Variants in PIGU observed in about 807,000 individuals in gnomAD.
PIGU encodes phosphatidylinositol glycan anchor biosynthesis class U.
Under a neutral mutation model 49.9 loss-of-function variants are expected in PIGU, and 24 were observed. That is an observed-to-expected ratio of 0.48 (90% confidence interval 0.35 to 0.68). The LOEUF (loss-of-function observed/expected upper bound fraction) is 0.68, where lower values mean the gene tolerates loss of function less well. Among genes scored for constraint, PIGU ranks in the 30% least tolerant of loss-of-function variants. The pLI is 0.01. For synonymous variants in PIGU, 220 were observed against 205.7 expected (o/e 1.07, Z -0.59); for missense variants, 490 against 532.6 (o/e 0.92, Z 0.79).
chr20:34,623,527 G>C (rs1036236372), intron 6 of PIGU, among the ~76,000 whole-genome samples: 3 of 152,168 alleles, frequency 2.0e-5, no homozygotes, highest in Non-Finnish European at 4.4e-5. Flanking sequence ...CTGAAAGACA[G>C]AGAAGTTATT....
intron 8 of PIGU, among the ~76,000 whole-genome samples, chr20:34,587,815 T>C (rs1163925693): frequency 6.6e-6 from 1 of 152,256 alleles, no homozygotes; most frequent in Non-Finnish European, 1.5e-5. Flanking sequence ...ACTACTGTCA[T>C]AAATGACAGA....
At chr20:34,589,104 T>TACACACACAC (rs11469162) in intron 7 of PIGU, among the ~76,000 whole-genome samples, 4 of 145,936 alleles carry the variant, frequency 2.7e-5, no homozygotes, top group South Asian at 2.3e-4. Context: ...TACTATTATT[T>TACACACACAC]ACACACACAC....
intron 1 of PIGU, among the ~76,000 whole-genome samples, chr20:34,666,049 G>T (rs1293423699): frequency 6.6e-6 from 1 of 152,118 alleles, no homozygotes; most frequent in Non-Finnish European, 1.5e-5. Context: ...AGCCAGGCAT[G>T]GTGGCATGCA....
At position 34,581,606 on chromosome 20, in the gene PIGU, T is replaced by C. The variant is rs767458163; in HGVS notation, c.993A>G (p.Thr331=). Residue 331 remains threonine (T), a synonymous_variant, in exon 10 of 12, where the codon ACA becomes ACG. Transcript: ENST00000217446. ...CCATGTAGAGCGCCACGTCCCCCAC[T>C]GTCGGGTAGGACTTAAAGATGGCGA... ...AVIAIFKSYP[T]VGDVALYMAF... The C allele has an allele frequency of 1.5e-5, 24 of 1,613,998 alleles. No homozygotes were observed. Among genetic ancestry groups the C allele is most frequent in the Middle Eastern group, 3.3e-4 (2 of 6,004 alleles).
intron 1 of PIGU, among the ~76,000 whole-genome samples, chr20:34,660,308 T>C (rs1333820296): frequency 6.6e-6 from 1 of 152,136 alleles, no homozygotes; most frequent in African/African-American, 2.4e-5. Context: ...AAATTTTACA[T>C]GGGCGGTGGT....
chr20:34,625,730 A>G (rs934140648), intron 6 of PIGU, among the ~76,000 whole-genome samples: 3 of 150,324 alleles, frequency 2.0e-5, no homozygotes, highest in African/African-American at 7.3e-5. Context: ...AAAAAAAAGA[A>G]AGAAAGAAGG....
In PIGU at chr20:34,560,834, C is replaced by G. The variant is rs775126642; in HGVS notation, c.*32G>C. On this transcript the variant is annotated 3_prime_UTR_variant, in exon 12 of 12. Coordinates refer to ENST00000217446, the MANE Select transcript of PIGU (RefSeq NM_080476.5). ...GCCCAGCTTCTGGCCCCACAGCCCC[C>G]TGAGGTCCATGCAGCCCTGTGCCAG... 2.0e-6 allele frequency: 3 copies of G among 1,493,458 alleles called. No individual in the cohort carries two copies. The highest frequency in any genetic ancestry group is 2.8e-5 in the African/African-American group (2 of 71,404). 92.5% of individuals were successfully genotyped at this position (1,493,458 alleles called of 1,614,324 possible). A position where few individuals can be genotyped will look rare whatever the true frequency, so the allele number is the denominator to read the frequency against.
At chr20:34,563,626 G>GC (rs1600580136) in intron 11 of PIGU, among the ~76,000 whole-genome samples, 1 of 148,582 alleles carries the variant, frequency 6.7e-6, no homozygotes. Flanking sequence ...TACATCAATG[G>GC]GGGGGGGGAG....
At chr20:34,674,695 G>A (rs1210144660) in intron 1 of PIGU, among the ~76,000 whole-genome samples, 1 of 152,104 alleles carries the variant, frequency 6.6e-6, no homozygotes, top group Non-Finnish European at 1.5e-5. Flanking sequence ...GAGAGACCCA[G>A]ATGGGCGGAT....
At chr20:34,624,224 C>A (rs79286365) in intron 6 of PIGU, among the ~76,000 whole-genome samples, 2,561 of 152,210 alleles carry the variant, frequency 0.017, 37 homozygotes, top group Non-Finnish European at 0.025. Flanking sequence ...AAAATAGCAA[C>A]CAATACCATC....
At chr20:34,672,848 C>T (rs1225699967) in intron 1 of PIGU, among the ~76,000 whole-genome samples, 1 of 122,676 alleles carries the variant, frequency 8.2e-6, no homozygotes, top group African/African-American at 2.8e-5. Flanking sequence ...GAGTGGGACC[C>T]TGTCTCTCAA....
chr20:34,659,879 T>C (rs1986876132), intron 1 of PIGU, among the ~76,000 whole-genome samples: 1 of 151,544 alleles, frequency 6.6e-6, no homozygotes, highest in African/African-American at 2.4e-5. Flanking sequence ...TCATCACCAC[T>C]CCCTAATCTC....
chr20:34,649,126 C>T (rs1251594218), intron 2 of PIGU, among the ~76,000 whole-genome samples: 4 of 152,104 alleles, frequency 2.6e-5, no homozygotes, highest in African/African-American at 7.2e-5. Flanking sequence ...CTTGGCCTCC[C>T]GAAGTGCTGG....
intron 7 of PIGU, among the ~76,000 whole-genome samples, chr20:34,597,417 C>A (rs1247859635): frequency 6.6e-6 from 1 of 152,062 alleles, no homozygotes; most frequent in African/African-American, 2.4e-5. Flanking sequence ...TAGAATAGGC[C>A]AAACTAATCT....
chr20:34,609,459 C>T (rs142315260), intron 7 of PIGU, among the ~76,000 whole-genome samples: 2,273 of 152,036 alleles, frequency 0.015, 19 homozygotes, highest in Middle Eastern at 0.024. Context: ...CCACCTTCCG[C>T]GTTCAAGCAA....
Position 34,654,734 on chromosome 20 carries a change from C to T in PIGU, c.195+2446G>A, listed in dbSNP as rs114941312. Among the ~76,000 whole-genome samples, 422 of 120,600 alleles carry T rather than the reference C, an allele frequency of 3.5e-3. 111 individuals are homozygous for T. Among genetic ancestry groups the T allele is most frequent in the African/African-American group, 0.012 (394 of 32,896 alleles). The allele number at this position is 120,600 out of a possible 152,430, so 79.1% of individuals were successfully genotyped here. ...TATAAAAATTAAGGCCAGCCAGGAA[C>T]GGTGACTCACAGCTGTAATCCCAGC... On this transcript the variant is annotated intron_variant, in intron 2 of 11. Transcript: ENST00000217446.
intron 7 of PIGU, among the ~76,000 whole-genome samples, chr20:34,592,599 A>G (rs1984038616): frequency 1.3e-5 from 2 of 152,168 alleles, no homozygotes; most frequent in Non-Finnish European, 2.9e-5. Context: ...AAATAATTTA[A>G]ATGATTAAAA....
At chr20:34,666,976 G>A (rs1287124363) in intron 1 of PIGU, among the ~76,000 whole-genome samples, 1 of 151,978 alleles carries the variant, frequency 6.6e-6, no homozygotes, top group African/African-American at 2.4e-5. Flanking sequence ...GGGATTACAG[G>A]CGTGAGCCAC....
chr20:34,575,534 C>A (rs1983190304), intron 10 of PIGU, among the ~76,000 whole-genome samples: 2 of 152,254 alleles, frequency 1.3e-5, no homozygotes, highest in South Asian at 4.1e-4. Flanking sequence ...TGCCTCGGGG[C>A]ACCAAACAGG....
Sources: allele counts gnomAD v4.1 joint callset (sites outside exome capture counted in the v4.1 genomes callset), GRCh38; gene constraint gnomAD v4.1.1; transcripts MANE v1.5; gene names NCBI Gene and HGNC (gene_info 2026-07-23, HGNC 2026-07-21).